Variants in EPPK1 observed in about 807,000 individuals in gnomAD.
EPPK1 encodes the protein epiplakin 1, also known as epiplakin.
For synonymous variants in EPPK1, 1,862 were observed against 1,721.2 expected (o/e 1.08, Z -2.03); for missense variants, 3,823 against 3,673.3 (o/e 1.04, Z -1.05).
In EPPK1 at chr8:143,857,990, C is replaced by T. The variant is rs1818933935; in HGVS notation, c.15264G>A (p.Gln5088=). ...TGLLFLSLSL[Q] is the part of the protein sequence containing the mutation. ...AAACTGCACGGAGGAAGCCCAGTCA[C>T]TGTAGAGAGAGAGAAAGAAATAGGA... Residue 5088 remains glutamine, a synonymous_variant, in exon 2 of 2, where the codon CAG becomes CAA. Coordinates refer to ENST00000615648, the MANE Select transcript of EPPK1 (RefSeq NM_031308.4). 6.3e-7 allele frequency: 1 copy of T among 1,597,416 alleles called. No individual in the cohort carries two copies. The highest frequency in any genetic ancestry group is 8.5e-7 in the Non-Finnish European group (1 of 1,170,632).
chr8:143,876,971 G>C (rs974991003), intron 1 of EPPK1, among the ~76,000 whole-genome samples: 1 of 152,250 alleles, frequency 6.6e-6, no homozygotes, highest in African/African-American at 2.4e-5. Flanking sequence ...GACAGGCCGC[G>C]TGCTAAGCGG....
chr8:143,867,745 C>T lies in EPPK1; in HGVS notation c.5509G>A (p.Glu1837Lys), dbSNP rs1469098507. 19 of 1,613,700 alleles carry T rather than the reference C, an allele frequency of 1.2e-5. No individual in the cohort carries two copies. The highest frequency in any genetic ancestry group is 1.6e-5 in the Non-Finnish European group (19 of 1,179,896). The stretch of plus-strand genomic sequence containing the variant: ...ATGCCTTGGTTTTGCGTCTCTGTTT[C>T]TTCAATTGTCGTGGTGATGATTTCC... ...LLEIITTTIE[E>K]TETQNQGIKV... is the part of the protein sequence containing the mutation. Residue 1837 changes from glutamate to lysine, a missense_variant, in exon 2 of 2, where the codon GAA becomes AAA. Coordinates refer to ENST00000615648, the MANE Select transcript of EPPK1 (RefSeq NM_031308.4).
Position 143,868,056 on chromosome 8 carries a change from G to A in EPPK1, c.5198C>T (p.Thr1733Met), listed in dbSNP as rs368226184. The part of the protein sequence containing the change: ...DDTKGFFDPN[T>M]HENLTYLQLL... ...CTGCAGGTACGTGAGGTTCTCGTGC[G>A]TGTTGGGGTCGAAGAAGCCCTTGGT... is the stretch of plus-strand genomic sequence containing the variant. Residue 1733 changes from threonine (T) to methionine (M), a missense_variant, in exon 2 of 2, where the codon ACG becomes ATG. By Grantham distance (81) the Thr-to-Met change is moderately conservative. Transcript: ENST00000615648. 153 of 1,613,548 alleles carry A rather than the reference G, an allele frequency of 9.5e-5. No individual in the cohort carries two copies. The highest frequency in any genetic ancestry group is 9.4e-4 in the South Asian group (86 of 91,092).
chr8:143,873,578 A>G (rs1305647743), intron 1 of EPPK1, among the ~76,000 whole-genome samples: 4 of 151,474 alleles, frequency 2.6e-5, no homozygotes, highest in Admixed American at 1.3e-4. Flanking sequence ...CTGTCCTTCC[A>G]CCTCCACCCC....
chr8:143,871,318 C>T lies in EPPK1; in HGVS notation c.1936G>A (p.Ala646Thr), dbSNP rs781933166. The change falls in exon 2 of 2, where the codon GCA becomes ACA. Residue 646 changes from alanine (A) to threonine (T), a missense_variant. Ala to Thr is a moderately conservative substitution (Grantham distance 58). Coordinates refer to ENST00000615648, the MANE Select transcript of EPPK1 (RefSeq NM_031308.4). ...ATGATGAAGCCTGTGGCAGCTTGTG[C>T]CTCCAGAAGGATGAGGGCAGTGCCG... is the stretch of plus-strand genomic sequence containing the variant. ...RPGTALILLE[A>T]QAATGFIIDP... The T allele has an allele frequency of 6.2e-7, 1 of 1,612,008 alleles. No individual in the cohort carries two copies. The highest frequency in any genetic ancestry group is 2.2e-5 in the East Asian group (1 of 44,844).
In EPPK1 at chr8:143,857,732, A is replaced by G. The variant is rs1554657766; in HGVS notation, c.*255T>C. The stretch of plus-strand genomic sequence containing the variant: ...AGACAGAAAAATGTTCTGAAAACGA[A>G]AAAGGAGAGAAAAGTAAAACCATAT... On this transcript the variant is annotated 3_prime_UTR_variant, in exon 2 of 2. Transcript: ENST00000615648. 4.8e-6 allele frequency: 2 copies of G among 415,934 alleles called. No homozygotes were observed. Among genetic ancestry groups the G allele is most frequent in the Non-Finnish European group, 8.4e-6 (2 of 237,168 alleles). 25.8% of individuals were successfully genotyped at this position (415,934 alleles called of 1,614,324 possible). A position where few individuals can be genotyped will look rare whatever the true frequency, so the allele number is the denominator to read the frequency against.
chr8:143,867,988 G>C lies in EPPK1; in HGVS notation c.5266C>G (p.Leu1756Val), dbSNP rs1554659715. The C allele has an allele frequency of 6.2e-6, 10 of 1,613,700 alleles. No homozygotes were observed. The East Asian group carries it at 1.3e-4, about 22-fold the overall frequency. ...CVEDPETGLY[L>V]LQIIKKGENY... ...TCTCCTTTCTTTATGATTTGTAGCA[G>C]GTACAGGCCCGTCTCGGGGTCCTCC... Residue 1756 changes from leucine (L) to valine (V), a missense_variant, in exon 2 of 2, where the codon CTG becomes GTG. Transcript: ENST00000615648.
chr8:143,866,389 C>T lies in EPPK1; in HGVS notation c.6865G>A (p.Ala2289Thr), dbSNP rs1472137024. 6.6e-5 allele frequency: 67 copies of T among 1,008,886 alleles called. No homozygotes were observed. The highest frequency in any genetic ancestry group is 1.0e-4 in the South Asian group (6 of 58,492). The allele number at this position is 1,008,886 out of a possible 1,614,324, so 62.5% of individuals were successfully genotyped here. A position where few individuals can be genotyped will look rare whatever the true frequency, so the allele number is the denominator to read the frequency against. ...LRLSVEEAVA[A>T]GVVGGEIQEK... Reference sequence around the variant, plus strand: ...TGGATCTCGCCGCCCACCACGCCCGCGGCCACGGCCTCCTCCACCGACAGC... The same window carrying T: ...TGGATCTCGCCGCCCACCACGCCCGTGGCCACGGCCTCCTCCACCGACAGC... Residue 2289 changes from alanine to threonine, a missense_variant, in exon 2 of 2, where the codon GCG (alanine) becomes ACG (threonine). Ala to Thr is a moderately conservative substitution (Grantham distance 58). Coordinates refer to ENST00000615648, the MANE Select transcript of EPPK1 (RefSeq NM_031308.4).
In EPPK1 at chr8:143,869,286, G is replaced by C. The variant is rs374929678; in HGVS notation, c.3968C>G (p.Ala1323Gly). Residue 1323 changes from alanine (A) to glycine (G), a missense_variant, in exon 2 of 2, where the codon GCG becomes GGG. Ala to Gly is a moderately conservative substitution (Grantham distance 60, BLOSUM62 0). Coordinates refer to ENST00000615648, the MANE Select transcript of EPPK1 (RefSeq NM_031308.4). ...LSEQLGQAER[A>G]AAGYPDPYSR... Reference sequence around the variant, plus strand: ...GTAGGGATCTGGGTACCCGGCCGCCGCCCTCTCGGCCTGCCCGAGCTGCTC... The same window carrying C: ...GTAGGGATCTGGGTACCCGGCCGCCCCCCTCTCGGCCTGCCCGAGCTGCTC... The C allele has an allele frequency of 6.2e-7, 1 of 1,604,104 alleles. No individual in the cohort carries two copies. Among genetic ancestry groups the C allele is most frequent in the Non-Finnish European group, 8.5e-7 (1 of 1,175,292 alleles).
Position 143,868,422 on chromosome 8 carries a change from G to A in EPPK1, c.4832C>T (p.Thr1611Ile). ...CTCCACGGGGTCGATGATGAAGCCG[G>A]TAGCTGCCTGTGCCTCCAGCAGCAC... is the stretch of plus-strand genomic sequence containing the variant. The part of the protein sequence containing the change: ...ALVLLEAQAA[T>I]GFIIDPVENR... Residue 1611 changes from threonine (T) to isoleucine (I), a missense_variant, in exon 2 of 2, where the codon ACC becomes ATC. Physicochemically the swap from Thr to Ile is moderately conservative, Grantham distance 89 (BLOSUM62 -1). Transcript: ENST00000615648. 6.2e-7 allele frequency: 1 copy of A among 1,612,550 alleles called. No homozygotes were observed. The highest frequency in any genetic ancestry group is 8.5e-7 in the Non-Finnish European group (1 of 1,179,786).
Position 143,871,954 on chromosome 8 carries a change from G to C in EPPK1, c.1300C>G (p.Gln434Glu), listed in dbSNP as rs781927849. The C allele has an allele frequency of 3.1e-6, 5 of 1,599,566 alleles. No homozygotes were observed. Among genetic ancestry groups the C allele is most frequent in the South Asian group, 2.2e-5 (2 of 90,530 alleles). ...LDEDTQRQLSQAGSFSDGTHG... is the reference protein window; with the variant it reads ...LDEDTQRQLSEAGSFSDGTHG... ...GTGCCGTCTGAGAAGCTGCCAGCCT[G>C]CGAGAGCTGCCGCTGAGTGTCTTCA... The change falls in exon 2 of 2, where the codon CAG becomes GAG. Residue 434 changes from glutamine (Q) to glutamate (E), a missense_variant. Physicochemically the swap from Gln to Glu is conservative, Grantham distance 29. Coordinates refer to ENST00000615648, the MANE Select transcript of EPPK1 (RefSeq NM_031308.4).
intron 1 of EPPK1, among the ~76,000 whole-genome samples, chr8:143,877,643 T>A (rs1006763975): frequency 9.2e-5 from 14 of 152,082 alleles, no homozygotes; most frequent in Non-Finnish European, 1.9e-4. Flanking sequence ...GCCGCCTGCC[T>A]GAGTCAGGTC....
rs1313320143 is a variant in EPPK1 at position 143,857,675 on chromosome 8, A to G, written c.*312T>C. 2 of 351,826 alleles carry G rather than the reference A, an allele frequency of 5.7e-6. No homozygotes were observed. Among genetic ancestry groups the G allele is most frequent in the East Asian group, 4.5e-5 (1 of 22,214 alleles). The allele number at this position is 351,826 out of a possible 1,614,324, so 21.8% of individuals were successfully genotyped here. ...ATGGACTGAGAGTCTAAAGAGTGAC[A>G]TTCTGTAAAATGGAAGCAGTGAATC... On this transcript the variant is annotated 3_prime_UTR_variant, in exon 2 of 2. Coordinates refer to ENST00000615648, the MANE Select transcript of EPPK1 (RefSeq NM_031308.4).
In EPPK1 at chr8:143,870,306, G is replaced by C. The variant is rs201986539; in HGVS notation, c.2948C>G (p.Ser983Trp). ...IMDPHSPESL[S>W]VDEAVRRGVV... ...ACCCCTGCGCACGGCCTCATCCACC[G>C]AGAGGCTCTCTGGGCTGTGAGGGTC... Residue 983 changes from serine to tryptophan, a missense_variant, in exon 2 of 2, where the codon TCG becomes TGG. Ser to Trp is a radical substitution (Grantham distance 177). Transcript: ENST00000615648. This position sits in a 1 kb window ranked among gnomAD's most constrained non-coding sequence, Gnocchi z 5.2. The C allele has an allele frequency of 1.9e-6, 3 of 1,577,860 alleles. No individual in the cohort carries two copies. In the South Asian group the frequency reaches 3.4e-5, roughly 18 times the overall value.
rs1819182974 is a variant in EPPK1, at chr8:143,867,792, C to G, written c.5462G>C (p.Ser1821Thr). The change falls in exon 2 of 2, where the codon AGT (serine) becomes ACT (threonine). Residue 1821 changes from serine to threonine, a missense_variant. Transcript: ENST00000615648. ...TTCCAGCAATTTCTCCAGGCCCCCA[C>G]TCTGGGCTCCATACTCCTGGATGAG... ...RELIQEYGAQ[S>T]GGLEKLLEII... 1.2e-6 allele frequency: 2 copies of G among 1,613,598 alleles called. No homozygotes were observed. Among genetic ancestry groups the G allele is most frequent in the South Asian group, 2.2e-5 (2 of 91,084 alleles).
chr8:143,872,500 T>C lies in EPPK1; in HGVS notation c.754A>G (p.Ile252Val). The C allele has an allele frequency of 7.5e-6, 12 of 1,596,344 alleles. No individual in the cohort carries two copies. Among genetic ancestry groups the C allele is most frequent in the Non-Finnish European group, 1.0e-5 (12 of 1,175,814 alleles). ...CCCTGCACAGCCTGCTCGTCCAGGA[T>C]GCCCACCTCCAGCAGCTCAGCTGCA... ...VSAAELLEVGILDEQAVQGLR... is the reference protein window; with the variant it reads ...VSAAELLEVGVLDEQAVQGLR... Residue 252 changes from isoleucine (I) to valine (V), a missense_variant, in exon 2 of 2, where the codon ATC becomes GTC. Transcript: ENST00000615648.
chr8:143,873,232 G>T lies in EPPK1; in HGVS notation c.22C>A (p.Pro8Thr). The change falls in exon 2 of 2, where the codon CCT (proline) becomes ACT (threonine). Residue 8 changes from proline to threonine, a missense_variant. Physicochemically the swap from Pro to Thr is conservative, Grantham distance 38. Coordinates refer to ENST00000615648, the MANE Select transcript of EPPK1 (RefSeq NM_031308.4). The part of the protein sequence containing the change: MSGHTLP[P>T]LPVPGTNSTE... ...CTGTTGGTGCCTGGGACGGGAAGAG[G>T]AGGCAAGGTGTGGCCACTCATCACA... 1 of 1,571,032 alleles carries T rather than the reference G, an allele frequency of 6.4e-7. No homozygotes were observed. Among genetic ancestry groups the T allele is most frequent in the Non-Finnish European group, 8.6e-7 (1 of 1,164,090 alleles).
rs782335785 is a variant in EPPK1 at position 143,868,134 on chromosome 8, C to T, written c.5120G>A (p.Cys1707Tyr). The stretch of plus-strand genomic sequence containing the variant: ...GTTCATCTCCTCGTCGAAGTAGCCG[C>T]AGCGGTAGGCCACGTCCACGGGCAC... Reference protein sequence around the residue: ...HRVPVDVAYRCGYFDEEMNRI... With the variant: ...HRVPVDVAYRYGYFDEEMNRI... Residue 1707 changes from cysteine (C) to tyrosine (Y), a missense_variant, in exon 2 of 2, where the codon TGC becomes TAC. By Grantham distance (194) the Cys-to-Tyr change is radical. Coordinates refer to ENST00000615648, the MANE Select transcript of EPPK1 (RefSeq NM_031308.4). 22 of 1,613,174 alleles carry T rather than the reference C, an allele frequency of 1.4e-5. 1 individual carries two copies. In the South Asian group the frequency reaches 2.0e-4, roughly 14 times the overall value.
chr8:143,873,628 C>T lies in EPPK1; in HGVS notation c.-45-330G>A, dbSNP rs943786849. On this transcript the variant is annotated intron_variant, in intron 1 of 1. Transcript: ENST00000615648. ...CCGCCAGCCCAGGGTCCTGTGTCCT[C>T]GAGTCCTTCCTGGGCACCCTGGTCC... Among the ~76,000 whole-genome samples the T allele has an allele frequency of 2.6e-5, 4 of 151,852 alleles. No individual in the cohort carries two copies. The East Asian group carries it at 5.8e-4, about 22-fold the overall frequency.
Sources: allele counts gnomAD v4.1 joint callset (sites outside exome capture counted in the v4.1 genomes callset), GRCh38; gene constraint gnomAD v4.1.1; non-coding constraint Gnocchi (gnomAD v3.1); transcripts MANE v1.5; gene names NCBI Gene and HGNC (gene_info 2026-07-23, HGNC 2026-07-21).